Variants in PCNT observed in about 807,000 individuals in gnomAD.
PCNT encodes kendrin.
A neutral mutation model predicts 380.4 loss-of-function variants in PCNT; 319 were observed. The ratio of observed to expected loss-of-function variants is 0.84; its 90% CI spans 0.77 to 0.92. The LOEUF (loss-of-function observed/expected upper bound fraction) is 0.92, where lower values mean the gene tolerates loss of function less well. Among genes scored for constraint, PCNT ranks in the 40% least tolerant of loss-of-function variants. PCNT has a pLI of 0.00. For missense variants in PCNT, 4,400 were observed against 4,255.3 expected (o/e 1.03, Z -0.95); for synonymous variants, 1,845 against 1,735.2 (o/e 1.06, Z -1.57).
At chr21:46,356,160 G>A (rs2084467096) in intron 12 of PCNT, among the ~76,000 whole-genome samples, 1 of 152,260 alleles carries the variant, frequency 6.6e-6, no homozygotes, top group Admixed American at 6.5e-5. Context: ...GGTTCCAGGA[G>A]GGGCAGGCGG....
chr21:46,395,876 A>G (rs80172282), intron 21 of PCNT, among the ~76,000 whole-genome samples: 67 of 142,906 alleles, frequency 4.7e-4, no homozygotes, highest in African/African-American at 6.8e-4. Context: ...AGAAATAATA[A>G]TAATAAAATG....
At chr21:46,348,762 A>G (rs1470499939) in intron 6 of PCNT, among the ~76,000 whole-genome samples, 3 of 151,418 alleles carry the variant, frequency 2.0e-5, no homozygotes, top group African/African-American at 4.9e-5. Flanking sequence ...CTATAGTTGC[A>G]TGCCACCACA....
intron 3 of PCNT, among the ~76,000 whole-genome samples, chr21:46,336,112 G>A (rs951244650): frequency 3.3e-5 from 5 of 152,184 alleles, no homozygotes; most frequent in African/African-American, 9.7e-5. Context: ...AAGTAGCTGG[G>A]ATTACAGGAG....
rs191784985 is a variant in PCNT at position 46,331,110 on chromosome 21, T to A, written c.268-3287T>A. Among the ~76,000 whole-genome samples the A allele has an allele frequency of 2.0e-5, 3 of 152,284 alleles. No individual in the cohort carries two copies. The East Asian group carries it at 5.8e-4, about 29-fold the overall frequency. On this transcript the variant is annotated intron_variant, in intron 2 of 46. Transcript: ENST00000359568. The stretch of plus-strand genomic sequence containing the variant: ...GCTTTCCAACATATAATAAATTGCT[T>A]ACTTTGATCACTAACTGTTAGGTAA...
intron 3 of PCNT, among the ~76,000 whole-genome samples, chr21:46,339,034 G>A (rs972521118): frequency 1.3e-4 from 20 of 152,136 alleles, no homozygotes; most frequent in East Asian, 9.7e-4. Context: ...CACCCGCCTC[G>A]GCCTCCCAAA....
Position 46,388,338 on chromosome 21 carries a change from G to A in PCNT, c.3465-404G>A, listed in dbSNP as rs9989933. Among the ~76,000 whole-genome samples, 7,543 of 152,326 alleles carry A rather than the reference G, an allele frequency of 0.05. 215 individuals are homozygous for A. Among genetic ancestry groups the A allele is most frequent in the Middle Eastern group, 0.065 (19 of 294 alleles). ...GTGGCTGAGGCGTGACTTGGTGTTG[G>A]ACAGACATCTTGTGAAATGGCTGGC... On this transcript the variant is annotated intron_variant, in intron 17 of 46. Transcript: ENST00000359568. This position sits in a 1 kb window ranked among gnomAD's most constrained non-coding sequence, Gnocchi z 4.2.
At chr21:46,346,074 A>C in intron 3 of PCNT, 54 bp from the exon 4 acceptor site, 1 of 1,531,150 alleles carries the variant, frequency 6.5e-7, no homozygotes, top group Non-Finnish European at 9.1e-7. Flanking sequence ...TGAGCACATC[A>C]CTGTGGCTTC....
chr21:46,442,962 C>T lies in PCNT; in HGVS notation c.9700+389C>T, dbSNP rs569690989. On this transcript the variant is annotated intron_variant, in intron 44 of 46. Coordinates refer to ENST00000359568, the MANE Select transcript of PCNT (RefSeq NM_006031.6). The stretch of plus-strand genomic sequence containing the variant: ...ACATCTTTGTCTCGGGAGTTCTCTG[C>T]CGAGCCATTGCCCCCTACAGCAGAG... 721 of 316,504 alleles carry T rather than the reference C, an allele frequency of 2.3e-3. 9 individuals carry two copies. Among genetic ancestry groups the T allele is most frequent in the South Asian group, 5.6e-3 (208 of 37,004 alleles). The allele number at this position is 316,504 out of a possible 1,614,324, so 19.6% of individuals were successfully genotyped here.
rs773696764 is a variant in PCNT, at chr21:46,349,554, C to T, written c.1208-130C>T. On this transcript the variant is annotated intron_variant, in intron 7 of 46. Transcript: ENST00000359568. ...TGCTATCAGGCATGTGAGGCTCAAACGAGGGGCCCGGGGGCGCCCAGGATG... is the reference window on the plus strand; with the variant it reads ...TGCTATCAGGCATGTGAGGCTCAAATGAGGGGCCCGGGGGCGCCCAGGATG... The T allele has an allele frequency of 2.5e-5, 24 of 952,642 alleles. No homozygotes were observed. In the East Asian group the frequency reaches 4.1e-4, roughly 16 times the overall value. 59.0% of individuals were successfully genotyped at this position (952,642 alleles called of 1,614,324 possible).
intron 15 of PCNT, among the ~76,000 whole-genome samples, chr21:46,375,863 A>G (rs2085317735): frequency 6.6e-6 from 1 of 152,202 alleles, no homozygotes; most frequent in Non-Finnish European, 1.5e-5. Context: ...CAGGCAGGAC[A>G]GGGCCAAGCG....
In PCNT at chr21:46,443,844, A is replaced by C. The variant is rs2073380; in HGVS notation, c.9735A>C (p.Arg3245Ser). The C allele has an allele frequency of 0.22, 348,198 of 1,613,004 alleles. 40,037 individuals carry two copies. The highest frequency in any genetic ancestry group is 0.44 in the East Asian group (19,879 of 44,858). The change falls in exon 45 of 47, where the codon AGA becomes AGC. Residue 3245 changes from arginine to serine, a missense_variant. By Grantham distance (110) the Arg-to-Ser change is moderately radical. Transcript: ENST00000359568. Reference sequence around the variant, plus strand: ...CACGACAGCCGCAGTCTCCACCCAGAACCAGAGAGTCCCCCCCAACCCGGG... The same window carrying C: ...CACGACAGCCGCAGTCTCCACCCAGCACCAGAGAGTCCCCCCCAACCCGGG... ...PRARQPQSPP[R>S]TRESPPTRDV...
chr21:46,416,978 G>A (rs1171147105), intron 30 of PCNT, 139 bp downstream of exon 30: 3 of 734,080 alleles, frequency 4.1e-6, no homozygotes, highest in Admixed American at 5.8e-5. Context: ...CTGCAGGACT[G>A]GCATCATGGG....
Position 46,411,858 on chromosome 21 carries a change from C to T in PCNT, c.5785C>T (p.Leu1929Phe). ...LQWLRAQCARLSRQLQVLHQR... is the reference protein window; with the variant it reads ...LQWLRAQCARFSRQLQVLHQR... The stretch of plus-strand genomic sequence containing the variant: ...GTGGCTCCGAGCGCAGTGTGCCCGC[C>T]TCAGCCGCCAGCTGCAGGTGCTGCA... Residue 1929 changes from leucine (L) to phenylalanine (F), a missense_variant, in exon 28 of 47, where the codon CTC (leucine) becomes TTC (phenylalanine). Coordinates refer to ENST00000359568, the MANE Select transcript of PCNT (RefSeq NM_006031.6). 1 of 1,563,342 alleles carries T rather than the reference C, an allele frequency of 6.4e-7. No individual in the cohort carries two copies. The highest frequency in any genetic ancestry group is 8.6e-7 in the Non-Finnish European group (1 of 1,161,284).
intron 21 of PCNT, among the ~76,000 whole-genome samples, chr21:46,394,943 C>T (rs926441417): frequency 2.6e-5 from 4 of 152,216 alleles, no homozygotes; most frequent in South Asian, 2.1e-4. Context: ...CCTGAGTCTG[C>T]GTGCATGTCA....
rs552114610 is a variant in PCNT, at chr21:46,383,756, T to A, written c.3312+1916T>A. 2.8e-5 allele frequency among the ~76,000 whole-genome samples: 4 copies of A among 143,590 alleles called. 1 individual carries two copies. The East Asian group carries it at 8.6e-4, about 31-fold the overall frequency. 94.2% of individuals were successfully genotyped at this position (143,590 alleles called of 152,430 possible). Reference sequence around the variant, plus strand: ...GAAGCGCATTCACAGTGCTGTGCATTCAGCAGCGGAAGCGCATTCACGGTG... The same window carrying A: ...GAAGCGCATTCACAGTGCTGTGCATACAGCAGCGGAAGCGCATTCACGGTG... On this transcript the variant is annotated intron_variant, in intron 16 of 46. Transcript: ENST00000359568.
At chr21:46,374,432 T>C (rs1346590614) in intron 15 of PCNT, among the ~76,000 whole-genome samples, 1 of 152,222 alleles carries the variant, frequency 6.6e-6, no homozygotes, top group Non-Finnish European at 1.5e-5. Context: ...TGCTGGTCAC[T>C]GTTCCCTCGT....
chr21:46,374,501 G>A (rs192056330), intron 15 of PCNT, among the ~76,000 whole-genome samples: 1 of 152,074 alleles, frequency 6.6e-6, no homozygotes, highest in African/African-American at 2.4e-5. Flanking sequence ...CTTCTTGTAT[G>A]GTGGCCACTC....
intron 16 of PCNT, among the ~76,000 whole-genome samples, chr21:46,383,543 AGT>A (rs1206504699): frequency 7.4e-6 from 1 of 135,858 alleles, no homozygotes; most frequent in Non-Finnish European, 1.6e-5. Context: ...GCGCATTCAC[AGT>A]GTTGTATATT....
intron 15 of PCNT, among the ~76,000 whole-genome samples, chr21:46,371,871 A>G (rs1569213863): frequency 6.8e-6 from 1 of 147,226 alleles, no homozygotes. Flanking sequence ...ATGTGTGCAC[A>G]CACACAGCAC....
Sources: allele counts gnomAD v4.1 joint callset (sites outside exome capture counted in the v4.1 genomes callset), GRCh38; gene constraint gnomAD v4.1.1; non-coding constraint Gnocchi (gnomAD v3.1); transcripts MANE v1.5; gene names NCBI Gene and HGNC (gene_info 2026-07-23, HGNC 2026-07-21).